Variants in DCUN1D5 observed in about 807,000 individuals in gnomAD.
DCUN1D5 encodes defective in cullin neddylation 1 domain containing 5.
Under a neutral mutation model 38.3 loss-of-function variants are expected in DCUN1D5, and 10 were observed. The observed-to-expected ratio is 0.26, with a 90% CI of 0.16 to 0.44. The LOEUF is 0.44. Ranked by LOEUF, DCUN1D5 falls within the 20% of genes least tolerant of loss-of-function variation. The probability of loss-of-function intolerance (pLI) is 1.00; values close to 1 mark genes in which losing one functional copy is unlikely to be tolerated. For synonymous variants in DCUN1D5, 93 were observed against 90.9 expected (o/e 1.02, Z -0.13); for missense variants, 148 against 275.3 (o/e 0.54, Z 3.27).
Position 103,083,238 on chromosome 11 carries a change from C to T in DCUN1D5, c.249+18G>A, listed in dbSNP as rs1336252140. 6 of 1,397,156 alleles carry T rather than the reference C, an allele frequency of 4.3e-6. No homozygotes were observed. Among genetic ancestry groups the T allele is most frequent in the Non-Finnish European group, 6.1e-6 (6 of 984,726 alleles). The allele number at this position is 1,397,156 out of a possible 1,614,324, so 86.5% of individuals were successfully genotyped here. A position where few individuals can be genotyped will look rare whatever the true frequency, so the allele number is the denominator to read the frequency against. On this transcript the variant is annotated intron_variant, in intron 3 of 7. Transcript: ENST00000260247. The surrounding 1 kb of genome is among the most constrained non-coding windows in gnomAD (Gnocchi z 4.4). ...TATACCCCACTTATATGCCATTCTA[C>T]TTAGAAATAAAACATACATTTTCAG...
At chr11:103,089,377 T>TAAAACATCTCAACTCTTAGAGAA (rs1862796241) in intron 1 of DCUN1D5, 59 bp from the exon 2 acceptor site, 5 of 1,426,392 alleles carry the variant, frequency 3.5e-6, no homozygotes, top group Non-Finnish European at 4.8e-6. Flanking sequence ...AGAGAAAAAC[T>TAAAACATCTCAACTCTTAGAGAA]AAGTTCAAAA....
rs1235768871 is a variant in DCUN1D5, at chr11:103,063,746, G to C, written c.658+529C>G. ...TATGGCATTCTAGCCTTTCCATGGAGGAGTATGGACAGATATTTTAACTTG... is the reference window on the plus strand; with the variant it reads ...TATGGCATTCTAGCCTTTCCATGGACGAGTATGGACAGATATTTTAACTTG... On this transcript the variant is annotated intron_variant, in intron 7 of 7. Coordinates refer to ENST00000260247, the MANE Select transcript of DCUN1D5 (RefSeq NM_032299.4). The surrounding 1 kb of genome is among the most constrained non-coding windows in gnomAD (Gnocchi z 4.6). Among the ~76,000 whole-genome samples the C allele has an allele frequency of 1.3e-5, 2 of 152,050 alleles. No individual in the cohort carries two copies. Among genetic ancestry groups the C allele is most frequent in the Non-Finnish European group, 2.9e-5 (2 of 67,970 alleles).
At chr11:103,085,367 G>A (rs1465243256) in intron 2 of DCUN1D5, among the ~76,000 whole-genome samples, 2 of 152,324 alleles carry the variant, frequency 1.3e-5, no homozygotes, top group East Asian at 1.9e-4. Context: ...AACCTAGGTG[G>A]CAGAGGTTGC....
chr11:103,084,665 T>A (rs569006277), intron 2 of DCUN1D5, among the ~76,000 whole-genome samples: 2 of 152,300 alleles, frequency 1.3e-5, no homozygotes, highest in African/African-American at 4.8e-5. Flanking sequence ...TATTCTTATA[T>A]ATGATTGAAA....
In DCUN1D5 at chr11:103,060,684, C is replaced by T. The variant is rs1401282277; in HGVS notation, c.*1675G>A. On this transcript the variant is annotated 3_prime_UTR_variant, in exon 8 of 8. Transcript: ENST00000260247. ...AATACTGAAGATGAAAAAGATATTA[C>T]CATTAGTTCAGGTTACAAATGGACA... Among the ~76,000 whole-genome samples, 1 of 152,052 alleles carries T rather than the reference C, an allele frequency of 6.6e-6. No individual in the cohort carries two copies. Among genetic ancestry groups the T allele is most frequent in the African/African-American group, 2.4e-5 (1 of 41,404 alleles).
chr11:103,073,116 T>C lies in DCUN1D5; in HGVS notation c.342-6549A>G, dbSNP rs1202100688. ...AGTAATGAACATGTGGACACTAAAA[T>C]GTAAAATACCATTTACAACAGGTTG... On this transcript the variant is annotated intron_variant, in intron 4 of 7. Coordinates refer to ENST00000260247, the MANE Select transcript of DCUN1D5 (RefSeq NM_032299.4). This position sits in a 1 kb window ranked among gnomAD's most constrained non-coding sequence, Gnocchi z 4.2. Among the ~76,000 whole-genome samples the C allele has an allele frequency of 6.6e-6, 1 of 152,080 alleles. No homozygotes were observed. The highest frequency in any genetic ancestry group is 2.4e-5 in the African/African-American group (1 of 41,394).
chr11:103,058,975 T>A lies in DCUN1D5; in HGVS notation c.*3384A>T, dbSNP rs1861945472. The stretch of plus-strand genomic sequence containing the variant: ...AGGCATTTAGTTTTCCTTTTTTTTT[T>A]TTATTAAAATGCCCTCAATTTATTT... On this transcript the variant is annotated 3_prime_UTR_variant, in exon 8 of 8. Coordinates refer to ENST00000260247, the MANE Select transcript of DCUN1D5 (RefSeq NM_032299.4). 6.6e-6 allele frequency among the ~76,000 whole-genome samples: 1 copy of A among 152,058 alleles called. No homozygotes were observed.
In DCUN1D5 at chr11:103,052,515, T is replaced by C. The variant is rs1198143944; in HGVS notation, c.*9844A>G. On this transcript the variant is annotated 3_prime_UTR_variant, in exon 8 of 8. Transcript: ENST00000260247. The stretch of plus-strand genomic sequence containing the variant: ...TTTTAAGGATCATAATCTTCAAAGG[T>C]AGAAACTAACAACTACACTGTTTTA... 6.6e-6 allele frequency: 1 copy of C among 152,138 alleles called. No homozygotes were observed. The highest frequency in any genetic ancestry group is 6.6e-5 in the Admixed American group (1 of 15,264). The allele number at this position is 152,138 out of a possible 1,614,324, so 9.4% of individuals were successfully genotyped here.
chr11:103,085,972 A>C (rs1862695231), intron 2 of DCUN1D5, among the ~76,000 whole-genome samples: 1 of 152,238 alleles, frequency 6.6e-6, no homozygotes, highest in Non-Finnish European at 1.5e-5. Flanking sequence ...CTGAATCATT[A>C]ATTTAAATAT....
At chr11:103,088,981 A>C (rs573388246) in intron 2 of DCUN1D5, among the ~76,000 whole-genome samples, 37 of 150,522 alleles carry the variant, frequency 2.5e-4, no homozygotes, top group South Asian at 1.3e-3. Flanking sequence ...ATCTTTGTTT[A>C]CACGTTTTAT....
intron 3 of DCUN1D5, 49 bp from the exon 4 acceptor site, chr11:103,082,888 A>G: frequency 7.3e-7 from 1 of 1,377,952 alleles, no homozygotes; most frequent in Non-Finnish European, 1.0e-6. Flanking sequence ...GCATAGAGAT[A>G]ATCATGTCTA....
rs1407371345 is a variant in DCUN1D5, at chr11:103,071,826, A to G, written c.342-5259T>C. Among the ~76,000 whole-genome samples, 3 of 151,254 alleles carry G rather than the reference A, an allele frequency of 2.0e-5. No homozygotes were observed. The highest frequency in any genetic ancestry group is 1.5e-5 in the Non-Finnish European group (1 of 67,742). ...CTCCAGGAACAGATGGTTTCACTAC[A>G]GAATTATACCAAACCTTTAAAGACT... On this transcript the variant is annotated intron_variant, in intron 4 of 7. Transcript: ENST00000260247. This position sits in a 1 kb window ranked among gnomAD's most constrained non-coding sequence, Gnocchi z 4.1.
intron 1 of DCUN1D5, among the ~76,000 whole-genome samples, chr11:103,089,605 A>G (rs1003299302): frequency 3.3e-5 from 5 of 152,164 alleles, no homozygotes; most frequent in East Asian, 1.9e-4. Context: ...AAGAAGTTCA[A>G]CCTAGTAGGT....
Position 103,065,159 on chromosome 11 carries a change from T to C in DCUN1D5, c.556-782A>G, listed in dbSNP as rs915596587. On this transcript the variant is annotated intron_variant, in intron 6 of 7. Transcript: ENST00000260247. This position sits in a 1 kb window ranked among gnomAD's most constrained non-coding sequence, Gnocchi z 4.6. ...ACCTTTTCATATCATTGTCTCTTTT[T>C]TTTTTTTTCTGAGACAGAGTCTCGT... 4.6e-5 allele frequency among the ~76,000 whole-genome samples: 7 copies of C among 152,034 alleles called. No homozygotes were observed. The highest frequency in any genetic ancestry group is 1.7e-4 in the African/African-American group (7 of 41,392).
Position 103,051,517 on chromosome 11 carries a change from C to T in DCUN1D5, c.*10842G>A, listed in dbSNP as rs1188028319. On this transcript the variant is annotated 3_prime_UTR_variant, in exon 8 of 8. Coordinates refer to ENST00000260247, the MANE Select transcript of DCUN1D5 (RefSeq NM_032299.4). ...ATATTTACTTCCCCCCCCCCCCCGC[C>T]ACCCCTGTGTTAACAGGTTTACTGG... The T allele has an allele frequency of 6.8e-6, 1 of 146,090 alleles. No homozygotes were observed. The highest frequency in any genetic ancestry group is 1.5e-5 in the Non-Finnish European group (1 of 66,566). The allele number at this position is 146,090 out of a possible 1,614,324, so 9.0% of individuals were successfully genotyped here.
chr11:103,074,509 G>C (rs926435164), intron 4 of DCUN1D5, among the ~76,000 whole-genome samples: 1 of 152,118 alleles, frequency 6.6e-6, no homozygotes, highest in Non-Finnish European at 1.5e-5. Context: ...CGGTTCAAGC[G>C]ATTCTCCTGC....
Position 103,063,614 on chromosome 11 carries a change from A to G in DCUN1D5, c.658+661T>C, listed in dbSNP as rs1862065504. Among the ~76,000 whole-genome samples, 1 of 152,138 alleles carries G rather than the reference A, an allele frequency of 6.6e-6. No individual in the cohort carries two copies. The highest frequency in any genetic ancestry group is 2.4e-5 in the African/African-American group (1 of 41,434). On this transcript the variant is annotated intron_variant, in intron 7 of 7. Transcript: ENST00000260247. This position sits in a 1 kb window ranked among gnomAD's most constrained non-coding sequence, Gnocchi z 4.6. ...CTTGTAACCCTTCTGAACACTGAAA[A>G]CACATGCAACCAACCAAAATGGTGG...
Position 103,064,430 on chromosome 11 carries a change from A to G in DCUN1D5, c.556-53T>C. Reference sequence around the variant, plus strand: ...TTAAATATTTAAACAAACATCATTTACTCAATTTAGTAAACTAAGTTTTAA... The same window carrying G: ...TTAAATATTTAAACAAACATCATTTGCTCAATTTAGTAAACTAAGTTTTAA... On this transcript the variant is annotated intron_variant, in intron 6 of 7. Coordinates refer to ENST00000260247, the MANE Select transcript of DCUN1D5 (RefSeq NM_032299.4). This position sits in a 1 kb window ranked among gnomAD's most constrained non-coding sequence, Gnocchi z 4.5. The G allele has an allele frequency of 7.3e-7, 1 of 1,371,252 alleles. No homozygotes were observed. 84.9% of individuals were successfully genotyped at this position (1,371,252 alleles called of 1,614,324 possible).
chr11:103,058,604 T>C lies in DCUN1D5; in HGVS notation c.*3755A>G, dbSNP rs1187498978. On this transcript the variant is annotated 3_prime_UTR_variant, in exon 8 of 8. Transcript: ENST00000260247. ...AGGTCTATTAACAAAAAAGAACAAA[T>C]CTTAAACAATAGGTTTACCTGGTTC... Among the ~76,000 whole-genome samples, 1 of 152,100 alleles carries C rather than the reference T, an allele frequency of 6.6e-6. No individual in the cohort carries two copies. The highest frequency in any genetic ancestry group is 1.5e-5 in the Non-Finnish European group (1 of 67,990).
Sources: allele counts gnomAD v4.1 joint callset (sites outside exome capture counted in the v4.1 genomes callset), GRCh38; gene constraint gnomAD v4.1.1; non-coding constraint Gnocchi (gnomAD v3.1); transcripts MANE v1.5; gene names NCBI Gene and HGNC (gene_info 2026-07-23, HGNC 2026-07-21).